The following DKK2 variants were observed in gnomAD, a reference collection of about 807,000 sequenced individuals.
The protein encoded by DKK2 is dickkopf-related protein 2.
DKK2 carries 11 observed loss-of-function variants against 28.1 expected under a neutral mutation model. The observed-to-expected ratio is 0.39, with a 90% CI of 0.25 to 0.65. The LOEUF (loss-of-function observed/expected upper bound fraction) is 0.65, where lower values mean the gene tolerates loss of function less well. Among genes scored for constraint, DKK2 ranks in the 30% least tolerant of loss-of-function variants. The probability of loss-of-function intolerance (pLI) is 0.47; values close to 1 mark genes in which losing one functional copy is unlikely to be tolerated. For missense variants in DKK2, 326 were observed against 335.5 expected, an observed-to-expected ratio of 0.97 and a Z score of 0.22; for synonymous variants, 135 against 126.5, an observed-to-expected ratio of 1.07 and a Z score of -0.45.
chr4:106,956,511 G>C (rs999639388), intron 1 of DKK2, among the ~76,000 whole-genome samples: 2 of 152,134 alleles, frequency 1.3e-5, no homozygotes, highest in Non-Finnish European at 2.9e-5. Flanking sequence ...ATACTACAAG[G>C]CTACAGTAAC....
chr4:106,947,753 T>C (rs911563007), intron 1 of DKK2, among the ~76,000 whole-genome samples: 2 of 151,418 alleles, frequency 1.3e-5, no homozygotes, highest in African/African-American at 4.9e-5. Flanking sequence ...TAGCTCACTG[T>C]GACCTCGAAC....
intron 1 of DKK2, among the ~76,000 whole-genome samples, chr4:106,944,217 C>T (rs1350011416): frequency 6.6e-6 from 1 of 152,030 alleles, no homozygotes; most frequent in African/African-American, 2.4e-5. Context: ...TTTCCAAATG[C>T]TTGCCTCATA....
intron 1 of DKK2, among the ~76,000 whole-genome samples, chr4:107,005,956 A>G (rs936524434): frequency 6.6e-6 from 1 of 152,162 alleles, no homozygotes; most frequent in Admixed American, 6.5e-5. Flanking sequence ...AGGGACTACT[A>G]TAGTCCCTTG....
At chr4:106,973,935 G>C (rs932472690) in intron 1 of DKK2, among the ~76,000 whole-genome samples, 1 of 152,150 alleles carries the variant, frequency 6.6e-6, no homozygotes, top group Non-Finnish European at 1.5e-5. Flanking sequence ...AAGGGGTCCG[G>C]TTTCAGTTTT....
intron 1 of DKK2, among the ~76,000 whole-genome samples, chr4:106,957,107 C>T (rs1276075869): frequency 6.6e-5 from 10 of 152,140 alleles, no homozygotes; most frequent in African/African-American, 1.9e-4. Flanking sequence ...TGAACAGACA[C>T]GTCTCAAAAG....
At chr4:106,928,699 A>G (rs1236047999) in intron 1 of DKK2, among the ~76,000 whole-genome samples, 2 of 152,182 alleles carry the variant, frequency 1.3e-5, no homozygotes, top group Non-Finnish European at 2.9e-5. Context: ...ACCTTGTAAT[A>G]ACTTCTAGCA....
intron 1 of DKK2, among the ~76,000 whole-genome samples, chr4:107,007,559 A>G (rs147559116): frequency 1.6e-3 from 241 of 152,294 alleles, no homozygotes; most frequent in African/African-American, 5.3e-3. Context: ...ATGGTGCTAC[A>G]GTTCACAACT....
At chr4:106,926,759 T>TA (rs1379019243) in intron 1 of DKK2, among the ~76,000 whole-genome samples, 1 of 152,134 alleles carries the variant, frequency 6.6e-6, no homozygotes, top group Non-Finnish European at 1.5e-5. Context: ...ACTTCAGCAG[T>TA]GTCATATATT....
chr4:106,967,949 G>T lies in DKK2; in HGVS notation c.223-42000C>A, dbSNP rs943828082. On this transcript the variant is annotated intron_variant, in intron 1 of 3. Transcript: ENST00000285311. Reference sequence around the variant, plus strand: ...GGGGTGGAAGGAAGGAAGAAAGAGAGAAAACAAAGAAAGAAAGGAATGAAG... The same window carrying T: ...GGGGTGGAAGGAAGGAAGAAAGAGATAAAACAAAGAAAGAAAGGAATGAAG... Among the ~76,000 whole-genome samples, 5 of 132,088 alleles carry T rather than the reference G, an allele frequency of 3.8e-5. No homozygotes were observed. In the East Asian group the frequency reaches 7.5e-4, roughly 20 times the overall value. 86.7% of individuals were successfully genotyped at this position (132,088 alleles called of 152,430 possible).
chr4:106,969,276 C>CTCTCTCA (rs1018535733), intron 1 of DKK2, among the ~76,000 whole-genome samples: 7 of 151,202 alleles, frequency 4.6e-5, no homozygotes, highest in Non-Finnish European at 8.8e-5. Flanking sequence ...CTCCCTTTTC[C>CTCTCTCA]TCTCTCATCT....
At chr4:106,991,420 C>T (rs1485608277) in intron 1 of DKK2, among the ~76,000 whole-genome samples, 3 of 152,134 alleles carry the variant, frequency 2.0e-5, no homozygotes, top group Admixed American at 1.3e-4. Context: ...TCCCAGATTA[C>T]CCTACATAGC....
chr4:107,015,681 TC>T (rs916104836), intron 1 of DKK2, among the ~76,000 whole-genome samples: 68 of 151,874 alleles, frequency 4.5e-4, no homozygotes, highest in African/African-American at 1.6e-3. Flanking sequence ...TTTAAATAGT[TC>T]CTTTTTCCCT....
chr4:106,940,361 CTCA>C (rs1724675353), intron 1 of DKK2, among the ~76,000 whole-genome samples: 1 of 152,024 alleles, frequency 6.6e-6, no homozygotes, highest in Non-Finnish European at 1.5e-5. Context: ...TGAAAAAATG[CTCA>C]TCATCACTGG....
chr4:107,001,862 A>G (rs1356220889), intron 1 of DKK2, among the ~76,000 whole-genome samples: 1 of 152,234 alleles, frequency 6.6e-6, no homozygotes, highest in Admixed American at 6.5e-5. Context: ...AATAATTAAG[A>G]ACAATAAACA....
rs1724395038 is a variant in DKK2 at position 106,924,397 on chromosome 4, T to C, written c.529+148A>G. On this transcript the variant is annotated intron_variant, in intron 3 of 3. Transcript: ENST00000285311. Reference sequence around the variant, plus strand: ...TAAATCTATTATGGTCTGTTTCCATTATTTGCCACCTAAATAACAAGTTTA... The same window carrying C: ...TAAATCTATTATGGTCTGTTTCCATCATTTGCCACCTAAATAACAAGTTTA... 3 of 1,269,010 alleles carry C rather than the reference T, an allele frequency of 2.4e-6. No individual in the cohort carries two copies. The Admixed American group carries it at 8.0e-5, about 34-fold the overall frequency. 78.6% of individuals were successfully genotyped at this position (1,269,010 alleles called of 1,614,324 possible).
At chr4:106,924,361 C>T (rs778116908) in intron 3 of DKK2, 157 bp from the exon 4 acceptor site, 11 of 1,251,916 alleles carry the variant, frequency 8.8e-6, no homozygotes, top group Non-Finnish European at 1.2e-5. Context: ...TTGGCTCTGC[C>T]TCTTATCACA....
At chr4:107,007,468 T>C (rs2110367544) in intron 1 of DKK2, among the ~76,000 whole-genome samples, 2 of 152,310 alleles carry the variant, frequency 1.3e-5, no homozygotes, top group Admixed American at 1.3e-4. Flanking sequence ...ATGTCATGCA[T>C]ATTTTAAAAT....
At chr4:106,978,621 C>T (rs542672081) in intron 1 of DKK2, among the ~76,000 whole-genome samples, 1 of 152,214 alleles carries the variant, frequency 6.6e-6, no homozygotes, top group South Asian at 2.1e-4. Flanking sequence ...AGGTCGACTT[C>T]AGACTTCTGT....
chr4:106,950,012 G>A (rs1724835538), intron 1 of DKK2, among the ~76,000 whole-genome samples: 1 of 152,154 alleles, frequency 6.6e-6, no homozygotes, highest in Admixed American at 6.6e-5. Flanking sequence ...ACTGCTGTGT[G>A]AAGGCTTCTG....
Sources: allele counts gnomAD v4.1 joint callset (sites outside exome capture counted in the v4.1 genomes callset), GRCh38; gene constraint gnomAD v4.1.1; transcripts MANE v1.5; gene names NCBI Gene and HGNC (gene_info 2026-07-23, HGNC 2026-07-21).